SOS2: variants seen among roughly 807,000 people sequenced by gnomAD.
SOS2 encodes the protein son of sevenless homolog 2.
SOS2 carries 65 observed loss-of-function variants against 148.2 expected under a neutral mutation model. That is an observed-to-expected ratio of 0.44 (90% CI 0.36 to 0.54). SOS2 has a LOEUF of 0.54. Ranked by LOEUF, SOS2 falls within the 20% of genes least tolerant of loss-of-function variation. The pLI, the probability that SOS2 is intolerant of heterozygous loss-of-function variation, is 0.00. For missense variants in SOS2, 1,341 were observed against 1,590.2 expected (o/e 0.84, Z 2.67); for synonymous variants, 539 against 537.1 (o/e 1.00, Z -0.05).
At chr14:50,158,396 A>C (rs1297132723) in intron 11 of SOS2, among the ~76,000 whole-genome samples, 169 bp downstream of exon 11, 1 of 152,222 alleles carries the variant, frequency 6.6e-6, no homozygotes, top group Non-Finnish European at 1.5e-5. Flanking sequence ...GTTTATAAAC[A>C]GATTTTAGGG....
At chr14:50,168,752 A>T (rs1380066181) in intron 8 of SOS2, among the ~76,000 whole-genome samples, 1 of 152,174 alleles carries the variant, frequency 6.6e-6, no homozygotes, top group Non-Finnish European at 1.5e-5. Flanking sequence ...TTGGGATGAG[A>T]ATCATAAGAA....
intron 1 of SOS2, among the ~76,000 whole-genome samples, chr14:50,228,301 C>A (rs916392853): frequency 1.3e-5 from 2 of 152,012 alleles, no homozygotes; most frequent in African/African-American, 4.8e-5. Flanking sequence ...GCCTCAGCCT[C>A]CCAGAGTGCT....
chr14:50,189,570 G>T (rs115874332), intron 4 of SOS2, among the ~76,000 whole-genome samples: 1 of 152,028 alleles, frequency 6.6e-6, no homozygotes, highest in Admixed American at 6.6e-5. Context: ...ATATTATAAG[G>T]ATGACAGTAC....
At chr14:50,160,446 G>A (rs1000040596) in intron 9 of SOS2, among the ~76,000 whole-genome samples, 9 of 120,268 alleles carry the variant, frequency 7.5e-5, no homozygotes, top group African/African-American at 2.9e-4. Context: ...GAATGCAATG[G>A]CACGATCTTG....
Position 50,145,088 on chromosome 14 carries a change from A to T in SOS2, c.2667+82T>A, listed in dbSNP as rs1480276956. The T allele has an allele frequency of 4.3e-6, 3 of 702,366 alleles. No individual in the cohort carries two copies. The African/African-American group carries it at 5.5e-5, about 13-fold the overall frequency. The allele number at this position is 702,366 out of a possible 1,614,324, so 43.5% of individuals were successfully genotyped here. A position where few individuals can be genotyped will look rare whatever the true frequency, so the allele number is the denominator to read the frequency against. ...ATGAATTTACAAAGAATTTAATTAA[A>T]AAGACAGATGATAGATGAAATTTCT... On this transcript the variant is annotated intron_variant, in intron 16 of 22. Coordinates refer to ENST00000216373, the MANE Select transcript of SOS2 (RefSeq NM_006939.4).
At chr14:50,226,131 T>C (rs1297539191) in intron 1 of SOS2, among the ~76,000 whole-genome samples, 6 of 152,134 alleles carry the variant, frequency 3.9e-5, no homozygotes, top group African/African-American at 1.4e-4. Context: ...GGGGCTCTGC[T>C]ACATCTTCCG....
chr14:50,200,927 C>T, intron 3 of SOS2, 26 bp downstream of exon 3: 1 of 1,607,962 alleles, frequency 6.2e-7, no homozygotes. Flanking sequence ...AGAACACCCC[C>T]CAACTAATGT....
intron 19 of SOS2, among the ~76,000 whole-genome samples, chr14:50,133,242 C>CTT (rs753590435): frequency 0.12 from 9,047 of 76,538 alleles, 1,170 homozygotes; most frequent in East Asian, 0.33. Context: ...TTTCTTTTTT[C>CTT]TTTTTTCTTT....
chr14:50,188,666 C>T lies in SOS2; in HGVS notation c.545G>A (p.Gly182Asp), dbSNP rs149487643. The T allele has an allele frequency of 3.7e-6, 6 of 1,606,660 alleles. No homozygotes were observed. Among genetic ancestry groups the T allele is most frequent in the South Asian group, 3.3e-5 (3 of 89,804 alleles). ...LMDMFDQDDIGLVSLCEDEPS... is the reference protein window; with the variant it reads ...LMDMFDQDDIDLVSLCEDEPS... ...TTCATCTTCACAGAGAGAAACCAAA[C>T]CTATGTCATCCTGATCAAACATGTC... The change falls in exon 5 of 23, where the codon GGT (glycine) becomes GAT (aspartate). Residue 182 changes from glycine (G) to aspartate (D), a missense_variant. Transcript: ENST00000216373.
intron 3 of SOS2, among the ~76,000 whole-genome samples, 171 bp from the exon 4 acceptor site, chr14:50,200,026 A>AT (rs1360111466): frequency 7.2e-5 from 11 of 151,928 alleles, no homozygotes; most frequent in Admixed American, 6.6e-4. Context: ...GTATTAGGGG[A>AT]TTTTTTTTCT....
At chr14:50,130,397 T>C in intron 20 of SOS2, 104 bp downstream of exon 20, 2 of 911,628 alleles carry the variant, frequency 2.2e-6, no homozygotes, top group Non-Finnish European at 3.3e-6. Flanking sequence ...CTTTTCACAC[T>C]AATATAGTTT....
At position 50,204,316 on chromosome 14, in the gene SOS2, T is replaced by A; in HGVS notation, c.181A>T (p.Met61Leu). 6.2e-7 allele frequency: 1 copy of A among 1,604,842 alleles called. No individual in the cohort carries two copies. Among genetic ancestry groups the A allele is most frequent in the Non-Finnish European group, 8.5e-7 (1 of 1,175,072 alleles). The change falls in exon 2 of 23, where the codon ATG (methionine) becomes TTG (leucine). Residue 61 changes from methionine (M) to leucine (L), a missense_variant. By Grantham distance (15) the Met-to-Leu change is conservative. Coordinates refer to ENST00000216373, the MANE Select transcript of SOS2 (RefSeq NM_006939.4). ...TCTTGAACAGTCCTTGGCTGGGCCA[T>A]GCATAATTTATTAAGCAGCTGAAAA... ...LIFQLLNKLC[M>L]AQPRTVQDVE...
chr14:50,199,677 C>A lies in SOS2; in HGVS notation c.510+14G>T, dbSNP rs897218126. The A allele has an allele frequency of 3.1e-5, 47 of 1,528,108 alleles. No homozygotes were observed. In the Admixed American group the frequency reaches 9.3e-4, roughly 30 times the overall value. The allele number at this position is 1,528,108 out of a possible 1,614,324, so 94.7% of individuals were successfully genotyped here. A position where few individuals can be genotyped will look rare whatever the true frequency, so the allele number is the denominator to read the frequency against. ...TGCTATTCAAGTTAAATTTAAATAC[C>A]TTGTAACACTTACCTTATCCGCACA... On this transcript the variant is annotated intron_variant, in intron 4 of 22. Transcript: ENST00000216373.
intron 5 of SOS2, 78 bp downstream of exon 5, chr14:50,188,419 A>G: frequency 1.0e-6 from 1 of 1,000,098 alleles, no homozygotes; most frequent in Non-Finnish European, 1.5e-6. Flanking sequence ...AAAAAATAAA[A>G]AAAAGTGACT....
chr14:50,192,552 T>A (rs1482725076), intron 4 of SOS2, among the ~76,000 whole-genome samples: 1 of 151,618 alleles, frequency 6.6e-6, no homozygotes, highest in African/African-American at 2.4e-5. Context: ...CAAGACCTTG[T>A]CTTTAAAAAA....
At chr14:50,154,727 C>T (rs561951476) in intron 12 of SOS2, among the ~76,000 whole-genome samples, 56 of 152,214 alleles carry the variant, frequency 3.7e-4, no homozygotes, top group African/African-American at 1.3e-3. Context: ...TTTATTAAGA[C>T]TCTAAAACAG....
At chr14:50,143,639 A>T (rs1884369084) in intron 16 of SOS2, among the ~76,000 whole-genome samples, 1 of 151,980 alleles carries the variant, frequency 6.6e-6, no homozygotes, top group Non-Finnish European at 1.5e-5. Flanking sequence ...ATGGGGTTTC[A>T]TCATGTTAGC....
At chr14:50,153,282 C>T in intron 12 of SOS2, 109 bp from the exon 13 acceptor site, 2 of 607,332 alleles carry the variant, frequency 3.3e-6, no homozygotes, top group South Asian at 2.3e-5. Flanking sequence ...CAACATAATA[C>T]TCAAAGACTC....
At chr14:50,140,327 G>T (rs1333145537) in intron 16 of SOS2, among the ~76,000 whole-genome samples, 1 of 152,060 alleles carries the variant, frequency 6.6e-6, no homozygotes, top group African/African-American at 2.4e-5. Context: ...ATTTTGACTA[G>T]CCAGGGTTTC....
Sources: allele counts gnomAD v4.1 joint callset (sites outside exome capture counted in the v4.1 genomes callset), GRCh38; gene constraint gnomAD v4.1.1; transcripts MANE v1.5; gene names NCBI Gene and HGNC (gene_info 2026-07-23, HGNC 2026-07-21).